The following COPS4 variants were observed in gnomAD, a reference collection of about 807,000 sequenced individuals.
COPS4 encodes COP9 signalosome complex subunit 4.
In COPS4, 8 loss-of-function variants were observed where a neutral mutation model predicts 55.1. The observed-to-expected ratio is 0.15, with a 90% CI of 0.09 to 0.26. The LOEUF (loss-of-function observed/expected upper bound fraction) is 0.26, where lower values mean the gene tolerates loss of function less well. Among genes scored for constraint, COPS4 ranks in the 10% least tolerant of loss-of-function variants. The pLI is 1.00. For synonymous variants in COPS4, 185 were observed against 165.7 expected (o/e 1.12, Z -0.90); for missense variants, 248 against 484.0 (o/e 0.51, Z 4.58).
chr4:83,037,867 AT>A lies in COPS4; in HGVS notation c.74+2572del, dbSNP rs1730467285. 2.0e-5 allele frequency among the ~76,000 whole-genome samples: 3 copies of A among 152,356 alleles called. No homozygotes were observed. In the South Asian group the frequency reaches 6.2e-4, roughly 32 times the overall value. Reference sequence around the variant, plus strand: ...ATAGCTAGAAAGGGGCAGTGCTTGTATTTGAATCCAGGTTCATCTACTCTAA... The same window carrying A: ...ATAGCTAGAAAGGGGCAGTGCTTGTATTGAATCCAGGTTCATCTACTCTAA... On this transcript the variant is annotated intron_variant, in intron 1 of 9. Transcript: ENST00000264389.
rs745660505 is a variant in COPS4 at position 83,057,215 on chromosome 4, C to CT, written c.565-38dup. On this transcript the variant is annotated intron_variant, in intron 5 of 9. Coordinates refer to ENST00000264389, the MANE Select transcript of COPS4 (RefSeq NM_016129.3). ...TTTGTTTTGTTTTGTTTAACTCTTG[C>CT]TTTTTAATTTGTCCCCTAATTGAAA... The CT allele has an allele frequency of 2.6e-5, 41 of 1,551,906 alleles. No homozygotes were observed. In the African/African-American group the frequency reaches 5.4e-4, roughly 20 times the overall value.
chr4:83,065,000 C>T, intron 7 of COPS4: 1 of 609,042 alleles, frequency 1.6e-6, no homozygotes, highest in South Asian at 1.7e-5. Context: ...TCTACCTCCA[C>T]CTCCCCAGAA....
In COPS4 at chr4:83,054,342, A is replaced by AAAAAC. The variant is rs553121493; in HGVS notation, c.411-2559_411-2555dup. ...GGGTGACAGAGCGAGACTCCATCTC[A>AAAAAC]AAAACAAAACAAAACAAAACAAAAC... On this transcript the variant is annotated intron_variant, in intron 4 of 9. Coordinates refer to ENST00000264389, the MANE Select transcript of COPS4 (RefSeq NM_016129.3). Among the ~76,000 whole-genome samples, 1,518 of 152,132 alleles carry AAAAAC rather than the reference A, an allele frequency of 1.0e-2. 18 individuals are homozygous for AAAAAC. The highest frequency in any genetic ancestry group is 0.011 in the African/African-American group (461 of 41,462).
intron 1 of COPS4, among the ~76,000 whole-genome samples, chr4:83,036,254 T>C (rs1375317839): frequency 1.9e-5 from 1 of 51,496 alleles, no homozygotes. Flanking sequence ...GGCAACATAG[T>C]GAGACCCCCC....
intron 6 of COPS4, among the ~76,000 whole-genome samples, chr4:83,061,010 G>C (rs956757059): frequency 2.7e-5 from 4 of 150,844 alleles, no homozygotes; most frequent in African/African-American, 9.8e-5. Context: ...CTCCAGCCTG[G>C]GTAACAGGAG....
chr4:83,037,846 C>T (rs374256568), intron 1 of COPS4, among the ~76,000 whole-genome samples: 1 of 152,090 alleles, frequency 6.6e-6, no homozygotes, highest in Non-Finnish European at 1.5e-5. Flanking sequence ...TAATGAATAG[C>T]TAGAAAGGGG....
At chr4:83,069,207 A>G (rs909221501) in intron 9 of COPS4, among the ~76,000 whole-genome samples, 2 of 152,136 alleles carry the variant, frequency 1.3e-5, no homozygotes, top group African/African-American at 4.8e-5. Flanking sequence ...ATTGTCTAAT[A>G]CCTTCCCAGC....
At chr4:83,038,513 G>C (rs1730480840) in intron 1 of COPS4, among the ~76,000 whole-genome samples, 1 of 152,058 alleles carries the variant, frequency 6.6e-6, no homozygotes, top group African/African-American at 2.4e-5. Context: ...GATTATTTTT[G>C]CCTAGAATGC....
At position 83,037,302 on chromosome 4, in the gene COPS4, C is replaced by A. The variant is rs561255600; in HGVS notation, c.74+2004C>A. On this transcript the variant is annotated intron_variant, in intron 1 of 9. Transcript: ENST00000264389. ...GTCAAAGTAAATCAGAAGACCAGCC[C>A]AGATTCAAGGGGAGGGGAAATGGAG... 1.4e-4 allele frequency among the ~76,000 whole-genome samples: 21 copies of A among 152,304 alleles called. No homozygotes were observed. The South Asian group carries it at 4.3e-3, about 32-fold the overall frequency.
In COPS4 at chr4:83,046,098, C is replaced by T. The variant is rs533036410; in HGVS notation, c.154+393C>T. On this transcript the variant is annotated intron_variant, in intron 2 of 9. Transcript: ENST00000264389. ...TGTACCTAAAATGTACTCTATAGTA[C>T]ATTACTGTACTACAGGGTAGTACAG... 9.5e-4 allele frequency among the ~76,000 whole-genome samples: 144 copies of T among 151,942 alleles called. 1 individual carries two copies. The highest frequency in any genetic ancestry group is 1.5e-3 in the Non-Finnish European group (102 of 67,936).
chr4:83,051,893 A>T (rs1212048121), intron 4 of COPS4, among the ~76,000 whole-genome samples: 1 of 152,186 alleles, frequency 6.6e-6, no homozygotes, highest in Non-Finnish European at 1.5e-5. Flanking sequence ...AATGAGAAGG[A>T]TTATCCATTG....
intron 6 of COPS4, among the ~76,000 whole-genome samples, chr4:83,058,240 T>C (rs1025787527): frequency 6.6e-6 from 1 of 152,198 alleles, no homozygotes; most frequent in Non-Finnish European, 1.5e-5. Context: ...CCATAGCTTT[T>C]CTTAAATTGC....
intron 1 of COPS4, among the ~76,000 whole-genome samples, chr4:83,044,832 C>T (rs963072557): frequency 2.0e-5 from 3 of 152,124 alleles, no homozygotes; most frequent in African/African-American, 7.2e-5. Context: ...ATACTAACCA[C>T]TCGTTAAGAA....
intron 3 of COPS4, chr4:83,049,541 C>G: frequency 2.0e-6 from 1 of 503,502 alleles, no homozygotes; most frequent in Non-Finnish European, 3.4e-6. Flanking sequence ...TCAAATATTG[C>G]TCTCTAGACA....
intron 1 of COPS4, among the ~76,000 whole-genome samples, chr4:83,044,580 A>G (rs1730657172): frequency 6.6e-6 from 1 of 152,066 alleles, no homozygotes. Flanking sequence ...GTTTGAGACC[A>G]GCCTGACCAC....
intron 2 of COPS4, among the ~76,000 whole-genome samples, chr4:83,048,569 CTT>C (rs1479824960): frequency 6.6e-6 from 1 of 151,918 alleles, no homozygotes; most frequent in African/African-American, 2.4e-5. Flanking sequence ...ACTTTTAAAA[CTT>C]TTTTCAATTA....
intron 9 of COPS4, among the ~76,000 whole-genome samples, chr4:83,074,757 C>T (rs556217213): frequency 2.3e-4 from 35 of 151,784 alleles, no homozygotes; most frequent in Non-Finnish European, 3.7e-4. Flanking sequence ...CTGCCTGCCT[C>T]GGCCTCCCAA....
chr4:83,063,096 C>T lies in COPS4; in HGVS notation c.736C>T (p.Leu246=). The T allele has an allele frequency of 6.4e-7, 1 of 1,562,404 alleles. No homozygotes were observed. The highest frequency in any genetic ancestry group is 8.6e-7 in the Non-Finnish European group (1 of 1,159,870). The change falls in exon 7 of 10, where the codon CTA becomes TTA. Residue 246 remains leucine (L), a synonymous_variant. Coordinates refer to ENST00000264389, the MANE Select transcript of COPS4 (RefSeq NM_016129.3). ...ASAGQQRSRM[L]ATLFKDERCQ... ...CTTAGGGCAGCAGCGTTCTCGGATG[C>T]TAGCTACTCTTTTTAAGGATGAAAG...
intron 1 of COPS4, among the ~76,000 whole-genome samples, chr4:83,040,639 C>T (rs931233877): frequency 6.6e-6 from 1 of 152,210 alleles, no homozygotes; most frequent in Non-Finnish European, 1.5e-5. Flanking sequence ...CATCTTTCCA[C>T]AGTCAGCAAA....
Sources: allele counts gnomAD v4.1 joint callset (sites outside exome capture counted in the v4.1 genomes callset), GRCh38; gene constraint gnomAD v4.1.1; transcripts MANE v1.5; gene names NCBI Gene and HGNC (gene_info 2026-07-23, HGNC 2026-07-21).